Variants in NAV2 observed in about 807,000 individuals in gnomAD.
NAV2 encodes the protein neuron navigator 2, also known as helicase, APC down-regulated 1.
NAV2 carries 54 observed loss-of-function variants against 223.2 expected under a neutral mutation model. The observed-to-expected ratio is 0.24, with a 90% CI of 0.19 to 0.30. NAV2 has a LOEUF of 0.30. Ranked by LOEUF, NAV2 falls within the 10% of genes least tolerant of loss-of-function variation. The pLI is 1.00. For synonymous variants in NAV2, 1,279 were observed against 1,239.3 expected, an observed-to-expected ratio of 1.03 and a Z score of -0.67; for missense variants, 2,806 against 3,147.5, an observed-to-expected ratio of 0.89 and a Z score of 2.60.
chr11:19,709,544 CTCA>C (rs2049796306), upstream of NAV2, among the ~76,000 whole-genome samples: 1 of 26,578 alleles, frequency 3.8e-5, no homozygotes, highest in South Asian at 2.7e-3. Flanking sequence ...GAGACTCCGT[CTCA>C]AAAAAAAAAA....
chr11:19,461,395 A>G (rs990275378), intron 1 of NAV2, among the ~76,000 whole-genome samples: 7 of 152,246 alleles, frequency 4.6e-5, no homozygotes, highest in Non-Finnish European at 7.3e-5. Context: ...GGGTTTATGC[A>G]TAAGCACATG....
chr11:19,557,663 C>G (rs1027475607), intron 1 of NAV2, among the ~76,000 whole-genome samples: 1 of 152,208 alleles, frequency 6.6e-6, no homozygotes, highest in Non-Finnish European at 1.5e-5. Context: ...AGGTGGGATG[C>G]TTCCCTATAA....
At chr11:19,532,489 C>A (rs749735698) in intron 1 of NAV2, among the ~76,000 whole-genome samples, 1 of 152,190 alleles carries the variant, frequency 6.6e-6, no homozygotes, top group Non-Finnish European at 1.5e-5. Flanking sequence ...CCTCTTCCAG[C>A]TCAGGCATAA....
intron 1 of NAV2, among the ~76,000 whole-genome samples, chr11:19,661,163 A>G (rs1039179331): frequency 2.0e-5 from 3 of 152,074 alleles, no homozygotes; most frequent in African/African-American, 7.2e-5. Flanking sequence ...TGAATTTGGT[A>G]CTCTAGGTAC....
chr11:19,357,669 A>G (rs1853697958), intron 1 of NAV2, among the ~76,000 whole-genome samples: 1 of 152,156 alleles, frequency 6.6e-6, no homozygotes, highest in Non-Finnish European at 1.5e-5. Flanking sequence ...GGTCACATAA[A>G]ATTCCTTCTG....
chr11:19,851,545 T>C (rs1373255381), intron 3 of NAV2, among the ~76,000 whole-genome samples: 1 of 152,166 alleles, frequency 6.6e-6, no homozygotes, highest in Non-Finnish European at 1.5e-5. Flanking sequence ...AAAAGGATAA[T>C]GATGGAAGCT....
At chr11:19,937,333 T>C (rs1168831561) in intron 7 of NAV2, among the ~76,000 whole-genome samples, 1 of 147,178 alleles carries the variant, frequency 6.8e-6, no homozygotes, top group Non-Finnish European at 1.5e-5. Context: ...TGGTTCACTA[T>C]ATATAACTTA....
At chr11:19,624,990 A>G (rs759623017) in intron 1 of NAV2, among the ~76,000 whole-genome samples, 3 of 152,234 alleles carry the variant, frequency 2.0e-5, no homozygotes, top group Non-Finnish European at 2.9e-5. Flanking sequence ...ATGTTTTGAT[A>G]CATATAATGT....
chr11:19,580,094 G>C (rs2045672346), intron 1 of NAV2, among the ~76,000 whole-genome samples: 1 of 152,168 alleles, frequency 6.6e-6, no homozygotes, highest in Non-Finnish European at 1.5e-5. Flanking sequence ...ATTTATTTCT[G>C]TGGCACTCTG....
intron 10 of NAV2, among the ~76,000 whole-genome samples, chr11:19,968,409 G>A (rs1206271816): frequency 2.6e-5 from 4 of 152,026 alleles, no homozygotes; most frequent in Non-Finnish European, 5.9e-5. Context: ...TAGTAGAGAC[G>A]GGGTTTCACC....
At chr11:19,537,698 T>C (rs1247495143) in intron 1 of NAV2, among the ~76,000 whole-genome samples, 1 of 152,240 alleles carries the variant, frequency 6.6e-6, no homozygotes, top group Non-Finnish European at 1.5e-5. Flanking sequence ...AGACTGGCTT[T>C]CCTTAGTTCT....
chr11:19,428,710 C>A (rs1850931533), intron 1 of NAV2, among the ~76,000 whole-genome samples: 1 of 152,174 alleles, frequency 6.6e-6, no homozygotes, highest in Non-Finnish European at 1.5e-5. Context: ...TCTATGCCAC[C>A]TAGTCATCTT....
intron 1 of NAV2, among the ~76,000 whole-genome samples, chr11:19,813,366 T>C (rs2058936776): frequency 6.6e-6 from 1 of 152,204 alleles, no homozygotes; most frequent in East Asian, 1.9e-4. Context: ...TAGAGCTTCA[T>C]GCCCAGCTTT....
chr11:19,413,014 C>G (rs1850211828), intron 1 of NAV2, among the ~76,000 whole-genome samples: 1 of 152,190 alleles, frequency 6.6e-6, no homozygotes, highest in African/African-American at 2.4e-5. Flanking sequence ...CAGATGACCT[C>G]TTCCCCTACA....
intron 3 of NAV2, among the ~76,000 whole-genome samples, chr11:19,857,077 A>T (rs2061447977): frequency 2.6e-5 from 4 of 152,232 alleles, no homozygotes; most frequent in Admixed American, 2.6e-4. Flanking sequence ...TTATTCCATT[A>T]CCATATTCCT....
chr11:19,464,860 T>C (rs1852294629), intron 1 of NAV2, among the ~76,000 whole-genome samples: 2 of 152,254 alleles, frequency 1.3e-5, no homozygotes, highest in Admixed American at 1.3e-4. Context: ...GAATGCACTT[T>C]TCAGGGAGCA....
intron 1 of NAV2, among the ~76,000 whole-genome samples, chr11:19,766,860 T>C (rs1048646545): frequency 2.0e-5 from 3 of 152,130 alleles, no homozygotes; most frequent in Non-Finnish European, 2.9e-5. Context: ...ATTTGGGTCA[T>C]TGAAAAAGAG....
At chr11:20,112,318 C>A (rs1007032870) in intron 36 of NAV2, among the ~76,000 whole-genome samples, 1 of 152,144 alleles carries the variant, frequency 6.6e-6, no homozygotes, top group Admixed American at 6.5e-5. Context: ...TCACTCCTGC[C>A]CCAGGTTAAG....
chr11:19,693,792 T>C (rs756833306), intron 1 of NAV2, among the ~76,000 whole-genome samples: 1 of 152,140 alleles, frequency 6.6e-6, no homozygotes. Context: ...CTAGGAAGGA[T>C]AGAACATGGA....
Sources: gnomAD v4.1 joint callset for allele counts (sites outside exome capture counted in the v4.1 genomes callset) on GRCh38, gnomAD v4.1.1 for gene constraint, MANE v1.5 for transcripts, NCBI Gene and HGNC (gene_info 2026-07-23, HGNC 2026-07-21) for gene names.